COL27A1: variants seen among roughly 807,000 people sequenced by gnomAD.
COL27A1 encodes the protein collagen alpha-1(XXVII) chain.
In COL27A1, 106 loss-of-function variants were observed where a neutral mutation model predicts 251.3. The ratio of observed to expected loss-of-function variants is 0.42; its 90% CI spans 0.36 to 0.50. The LOEUF is 0.50. Ranked by LOEUF, COL27A1 falls within the 20% of genes least tolerant of loss-of-function variation. The pLI, the probability that COL27A1 is intolerant of heterozygous loss-of-function variation, is 0.00. For missense variants in COL27A1, 2,325 were observed against 2,522.8 expected (o/e 0.92, Z 1.68); for synonymous variants, 1,000 against 986.3 (o/e 1.01, Z -0.26).
intron 27 of COL27A1, among the ~76,000 whole-genome samples, chr9:114,253,583 C>T (rs1431692515): frequency 3.3e-5 from 5 of 152,164 alleles, no homozygotes; most frequent in African/African-American, 1.2e-4. Flanking sequence ...CAGAATCAGA[C>T]AGACCTGGGT....
rs560303245 is a variant in COL27A1, at chr9:114,222,071, G to A, written c.2422-152G>A. 110 of 637,722 alleles carry A rather than the reference G, an allele frequency of 1.7e-4. 1 individual carries two copies. Among genetic ancestry groups the A allele is most frequent in the African/African-American group, 1.7e-3 (95 of 56,294 alleles). The allele number at this position is 637,722 out of a possible 1,614,324, so 39.5% of individuals were successfully genotyped here. Reference sequence around the variant, plus strand: ...TGGCTGTGGTCCAAACTCCAGGCCAGGCTCAGGAAAGTCGCTGGAGCCTGT... The same window carrying A: ...TGGCTGTGGTCCAAACTCCAGGCCAAGCTCAGGAAAGTCGCTGGAGCCTGT... On this transcript the variant is annotated intron_variant, in intron 13 of 60. Transcript: ENST00000356083.
At chr9:114,288,278 G>C (rs1827652868) in intron 41 of COL27A1, among the ~76,000 whole-genome samples, 177 bp from the exon 42 acceptor site, 1 of 152,216 alleles carries the variant, frequency 6.6e-6, no homozygotes, top group African/African-American at 2.4e-5. Context: ...CACAGTCCTG[G>C]TTCCACACCA....
At chr9:114,276,483 T>C (rs1835515215) in intron 37 of COL27A1, among the ~76,000 whole-genome samples, 1 of 152,216 alleles carries the variant, frequency 6.6e-6, no homozygotes, top group African/African-American at 2.4e-5. Flanking sequence ...CGCATGCCTA[T>C]AGTCTCAGTT....
Position 114,304,661 on chromosome 9 carries a change from A to G in COL27A1, c.4926A>G (p.Ala1642=), listed in dbSNP as rs1828900398. 6.2e-7 allele frequency: 1 copy of G among 1,614,072 alleles called. No homozygotes were observed. ...AFQTWMDTSG[A]LRPESYSYPD... is the part of the protein sequence containing the mutation. ...AGACGTGGATGGACACCAGTGGAGC[A>G]CTCAGGCCAGAGGTATCTCCAGGGG... Residue 1642 remains alanine, a synonymous_variant, in exon 57 of 61, where the codon GCA becomes GCG. Transcript: ENST00000356083.
chr9:114,213,893 T>C (rs1711795403), intron 12 of COL27A1, among the ~76,000 whole-genome samples: 1 of 152,198 alleles, frequency 6.6e-6, no homozygotes, highest in Admixed American at 6.5e-5. Context: ...CTGATCTTCA[T>C]GACAGGCGTG....
chr9:114,209,477 C>T, intron 10 of COL27A1, 198 bp from the exon 11 acceptor site: 1 of 778,172 alleles, frequency 1.3e-6, no homozygotes, highest in Non-Finnish European at 2.4e-6. Flanking sequence ...ATCGTGGAAG[C>T]CAGCACCATG....
intron 13 of COL27A1, 94 bp from the exon 14 acceptor site, chr9:114,222,129 A>AC: frequency 1.8e-6 from 2 of 1,088,292 alleles, no homozygotes; most frequent in South Asian, 2.5e-5. Context: ...GCTCTGAAAG[A>AC]CCCCACCAGG....
chr9:114,290,310 G>T lies in COL27A1; in HGVS notation c.4347G>T (p.Arg1449Ser). Residue 1449 changes from arginine (R) to serine (S), a missense_variant, in exon 47 of 61, where the codon AGG becomes AGT. By Grantham distance (110) the Arg-to-Ser change is moderately radical. Coordinates refer to ENST00000356083, the MANE Select transcript of COL27A1 (RefSeq NM_032888.4). This position sits in a 1 kb window ranked among gnomAD's most constrained non-coding sequence, Gnocchi z 4.6. ...GIAGPDGLPG[R>S]DGQAGQQGEQ... is the part of the protein sequence containing the mutation. The stretch of plus-strand genomic sequence containing the variant: ...CTGGACCAGATGGGCTTCCTGGCAG[G>T]GACGGGCAAGCAGGACAGCAGGTGA... 1 of 1,582,032 alleles carries T rather than the reference G, an allele frequency of 6.3e-7. No homozygotes were observed.
At chr9:114,200,123 C>T (rs1197379216) in intron 7 of COL27A1, among the ~76,000 whole-genome samples, 2 of 152,196 alleles carry the variant, frequency 1.3e-5, no homozygotes, top group African/African-American at 4.8e-5. Flanking sequence ...TGGAGGCTGC[C>T]TGAGACAATT....
chr9:114,293,424 A>G (rs1202960892), intron 49 of COL27A1, among the ~76,000 whole-genome samples: 3 of 152,200 alleles, frequency 2.0e-5, no homozygotes, highest in Non-Finnish European at 4.4e-5. Context: ...CTGTGTTAGA[A>G]AAGAAGACAG....
intron 57 of COL27A1, chr9:114,306,139 T>C: frequency 5.6e-6 from 1 of 177,914 alleles, no homozygotes; most frequent in African/African-American, 2.4e-5. Flanking sequence ...CAGTGGGGGC[T>C]GTGTGACCCC....
chr9:114,278,488 G>C (rs915055325), intron 37 of COL27A1, among the ~76,000 whole-genome samples: 1 of 115,906 alleles, frequency 8.6e-6, no homozygotes, highest in African/African-American at 3.5e-5. Context: ...GGTGATAATG[G>C]TGGTGGTGGT....
intron 1 of COL27A1, among the ~76,000 whole-genome samples, chr9:114,160,437 G>A (rs1564407316): frequency 6.6e-6 from 1 of 152,054 alleles, no homozygotes; most frequent in Non-Finnish European, 1.5e-5. Flanking sequence ...TTACAGGTGT[G>A]AGCCACCGTG....
chr9:114,257,360 C>T (rs116020868), intron 27 of COL27A1, among the ~76,000 whole-genome samples: 1,101 of 60,098 alleles, frequency 0.018, 10 homozygotes, highest in African/African-American at 0.066. Flanking sequence ...GGCCTGGAAT[C>T]GGGGTGGGGG....
chr9:114,218,569 A>C (rs1830864461), intron 12 of COL27A1: 1 of 152,222 alleles, frequency 6.6e-6, no homozygotes, highest in South Asian at 2.1e-4. Flanking sequence ...GAAGTCTTGC[A>C]TGCAAAGTGA....
intron 28 of COL27A1, 36 bp downstream of exon 28, chr9:114,258,630 T>C: frequency 6.2e-7 from 1 of 1,606,390 alleles, no homozygotes; most frequent in Admixed American, 1.7e-5. Flanking sequence ...CTGATGCTGG[T>C]GGGAGGGGGC....
At chr9:114,216,279 C>T (rs1051282704) in intron 12 of COL27A1, among the ~76,000 whole-genome samples, 1 of 152,258 alleles carries the variant, frequency 6.6e-6, no homozygotes, top group African/African-American at 2.4e-5. Context: ...GGGAGCCAAG[C>T]TCATTCCTTG....
Position 114,250,633 on chromosome 9 carries a change from G to A in COL27A1, c.2998G>A (p.Gly1000Ser), listed in dbSNP as rs1833479472. 6.2e-7 allele frequency: 1 copy of A among 1,612,002 alleles called. No individual in the cohort carries two copies. The highest frequency in any genetic ancestry group is 1.7e-5 in the Admixed American group (1 of 59,958). ...CTCATAGGGATTTATGGGATTCATTGGTCTGGTCGGGGAGCCAGGAATCGT... is the reference window on the plus strand; with the variant it reads ...CTCATAGGGATTTATGGGATTCATTAGTCTGGTCGGGGAGCCAGGAATCGT... The part of the protein sequence containing the change: ...VGEQGFMGFI[G>S]LVGEPGIVGE... Residue 1000 changes from glycine (G) to serine (S), a missense_variant, in exon 25 of 61, where the codon GGT becomes AGT. Gly to Ser is a moderately conservative substitution (Grantham distance 56). This residue lies in a region of COL27A1 where 662 missense variants were observed against 795.3 expected (regional missense o/e 0.83). Coordinates refer to ENST00000356083, the MANE Select transcript of COL27A1 (RefSeq NM_032888.4).
Position 114,177,982 on chromosome 9 carries a change from A to G in COL27A1, c.1909-309A>G, listed in dbSNP as rs564485139. Among the ~76,000 whole-genome samples, 3 of 152,320 alleles carry G rather than the reference A, an allele frequency of 2.0e-5. No individual in the cohort carries two copies. In the South Asian group the frequency reaches 6.2e-4, roughly 32 times the overall value. ...CTAAGCAGATAATTCCCCAAGTAAG[A>G]TAGCGGTCTTTAAAATAGAGGAAAA... On this transcript the variant is annotated intron_variant, in intron 3 of 60. Transcript: ENST00000356083.
Sources: gnomAD v4.1 joint callset for allele counts (sites outside exome capture counted in the v4.1 genomes callset) on GRCh38, gnomAD v4.1.1 for gene constraint, gnomAD v4.1.1 regional missense constraint, Gnocchi (gnomAD v3.1) non-coding constraint, MANE v1.5 for transcripts, NCBI Gene and HGNC (gene_info 2026-07-23, HGNC 2026-07-21) for gene names.